The following COL19A1 variants were observed in gnomAD, a reference collection of about 807,000 sequenced individuals.
The protein encoded by COL19A1 is collagen alpha-1(XIX) chain.
COL19A1 carries 159 observed loss-of-function variants against 190.2 expected under a neutral mutation model. That is an observed-to-expected ratio of 0.84 (90% CI 0.73 to 0.95). The LOEUF (loss-of-function observed/expected upper bound fraction) is 0.95. COL19A1 is among the 40% of genes least tolerant of loss of function. The pLI is 0.00. For synonymous variants in COL19A1, 509 were observed against 458.9 expected, an observed-to-expected ratio of 1.11 and a Z score of -1.39; for missense variants, 1,418 against 1,431.9, an observed-to-expected ratio of 0.99 and a Z score of 0.16.
chr6:70,087,044 A>G (rs540763748), intron 15 of COL19A1, among the ~76,000 whole-genome samples: 1 of 152,284 alleles, frequency 6.6e-6, no homozygotes, highest in African/African-American at 2.4e-5. Context: ...CCATTTGCTT[A>G]CATATTGCCT....
chr6:70,134,035 C>T (rs1785679427), intron 18 of COL19A1, among the ~76,000 whole-genome samples: 1 of 152,158 alleles, frequency 6.6e-6, no homozygotes, highest in Non-Finnish European at 1.5e-5. Context: ...TTGATTTTTA[C>T]AAGCAATTGC....
At chr6:70,207,067 G>A (rs937326442) in intron 50 of COL19A1, 80 bp from the exon 51 acceptor site, 43 of 1,601,816 alleles carry the variant, frequency 2.7e-5, no homozygotes, top group Non-Finnish European at 8.5e-7. Context: ...GTCAAGTCGA[G>A]TGATCCATGT....
Position 70,019,183 on chromosome 6 carries a change from A to G in COL19A1, c.1027-4444A>G, listed in dbSNP as rs1411447617. On this transcript the variant is annotated intron_variant, in intron 11 of 50. Transcript: ENST00000620364. ...TTAGGATAATAGATGGAGTTCTTTG[A>G]TTGTATGGAAGTTATTGATATCCTC... Among the ~76,000 whole-genome samples the G allele has an allele frequency of 2.0e-5, 3 of 152,078 alleles. No homozygotes were observed. In the East Asian group the frequency reaches 5.8e-4, roughly 29 times the overall value.
At chr6:69,976,361 T>C (rs1775714106) in intron 11 of COL19A1, among the ~76,000 whole-genome samples, 1 of 152,208 alleles carries the variant, frequency 6.6e-6, no homozygotes, top group African/African-American at 2.4e-5. Context: ...TTGAAACATA[T>C]GCTGGGTTTT....
In COL19A1 at chr6:70,163,342, G is replaced by A; in HGVS notation, c.2347-1G>A. On this transcript the variant is annotated splice_acceptor_variant, in intron 35 of 50. Transcript: ENST00000620364. LOFTEE classifies it high-confidence loss of function. The stretch of plus-strand genomic sequence containing the variant: ...AACAAACTTAGTTTTGTGTTTTACA[G>A]GGCTTAATGGGAAGAACTGGACATC... The A allele has an allele frequency of 6.2e-7, 1 of 1,611,910 alleles. No homozygotes were observed. Among genetic ancestry groups the A allele is most frequent in the Admixed American group, 1.7e-5 (1 of 59,934 alleles).
intron 33 of COL19A1, 93 bp from the exon 34 acceptor site, chr6:70,156,577 A>T: frequency 7.3e-7 from 1 of 1,366,552 alleles, no homozygotes; most frequent in Non-Finnish European, 1.0e-6. Context: ...TGTCCAAATT[A>T]CATGCCCCAA....
At chr6:69,944,942 T>C (rs1773704011) in intron 9 of COL19A1, among the ~76,000 whole-genome samples, 1 of 151,976 alleles carries the variant, frequency 6.6e-6, no homozygotes, top group African/African-American at 2.4e-5. Context: ...ATTGTAATAA[T>C]TTTCTGAATT....
chr6:69,897,954 T>C (rs1469585435), intron 2 of COL19A1, among the ~76,000 whole-genome samples: 3 of 152,180 alleles, frequency 2.0e-5, no homozygotes, highest in Non-Finnish European at 2.9e-5. Flanking sequence ...GTTAAATATA[T>C]TAAGATGATA....
intron 15 of COL19A1, among the ~76,000 whole-genome samples, chr6:70,084,278 G>A (rs758628053): frequency 1.3e-5 from 2 of 152,088 alleles, no homozygotes; most frequent in Non-Finnish European, 2.9e-5. Flanking sequence ...TGACTGGCAC[G>A]AGGATGCTGA....
chr6:69,992,085 A>G (rs1234909022), intron 11 of COL19A1, among the ~76,000 whole-genome samples: 1 of 152,014 alleles, frequency 6.6e-6, no homozygotes, highest in Non-Finnish European at 1.5e-5. Context: ...ATATATGGTG[A>G]AAGGAAAGGG....
rs3793028 is a variant in COL19A1, at chr6:69,961,305, A to G, written c.981+1265A>G. On this transcript the variant is annotated intron_variant, in intron 10 of 50. Transcript: ENST00000620364. ...TTTACTTGGCCCAATAAAGATAATA[A>G]GATTGAACTGGCAGCAATGAAACGG... 5.5e-3 allele frequency among the ~76,000 whole-genome samples: 834 copies of G among 152,372 alleles called. 19 individuals carry two copies. In the East Asian group the frequency reaches 0.068, roughly 12 times the overall value.
intron 16 of COL19A1, among the ~76,000 whole-genome samples, chr6:70,114,048 A>G (rs1428702145): frequency 1.3e-5 from 2 of 151,668 alleles, no homozygotes; most frequent in Non-Finnish European, 2.9e-5. Context: ...ACAGAGTTTC[A>G]CCATGTTGCC....
chr6:70,160,056 A>G (rs1443194763), intron 34 of COL19A1, among the ~76,000 whole-genome samples: 1 of 152,166 alleles, frequency 6.6e-6, no homozygotes, highest in African/African-American at 2.4e-5. Flanking sequence ...ACTACCCAGG[A>G]GGGACTTCTG....
Position 70,146,077 on chromosome 6 carries a change from A to G in COL19A1, c.1771-582A>G, listed in dbSNP as rs1266400812. On this transcript the variant is annotated intron_variant, in intron 25 of 50. Coordinates refer to ENST00000620364, the MANE Select transcript of COL19A1 (RefSeq NM_001858.6). ...GGGCTTTCTTCTGAAGAAAATATAC[A>G]TGCATACAACATTTTGCATATGATT... 2.6e-5 allele frequency among the ~76,000 whole-genome samples: 4 copies of G among 152,134 alleles called. No homozygotes were observed. In the South Asian group the frequency reaches 8.3e-4, roughly 32 times the overall value.
intron 12 of COL19A1, among the ~76,000 whole-genome samples, chr6:70,024,380 C>T (rs748436584): frequency 4.7e-4 from 72 of 152,144 alleles, no homozygotes; most frequent in South Asian, 2.1e-4. Flanking sequence ...GTTTTTCCCT[C>T]GGCTTCCTTT....
intron 7 of COL19A1, among the ~76,000 whole-genome samples, chr6:69,933,950 AG>A (rs1029139377): frequency 2.6e-5 from 4 of 152,036 alleles, no homozygotes; most frequent in Non-Finnish European, 5.9e-5. Context: ...TGCAAGTAAA[AG>A]GTGAAAATGT....
At chr6:69,896,520 G>A (rs1399276844) in intron 2 of COL19A1, among the ~76,000 whole-genome samples, 1 of 136,446 alleles carries the variant, frequency 7.3e-6, no homozygotes, top group East Asian at 2.1e-4. Flanking sequence ...GTCCGGCCTG[G>A]GCGACAGAGC....
intron 25 of COL19A1, 77 bp downstream of exon 25, chr6:70,145,084 A>C: frequency 9.4e-7 from 1 of 1,063,126 alleles, no homozygotes; most frequent in Non-Finnish European, 1.4e-6. Flanking sequence ...GTTTCAGATC[A>C]CAAGTATGGG....
chr6:70,151,895 C>T (rs1206312643), intron 31 of COL19A1, among the ~76,000 whole-genome samples: 6 of 152,086 alleles, frequency 3.9e-5, no homozygotes, highest in African/African-American at 1.4e-4. Flanking sequence ...ACTTACAAGG[C>T]TGAATTTTGA....
Sources: allele counts gnomAD v4.1 joint callset (sites outside exome capture counted in the v4.1 genomes callset), GRCh38; gene constraint gnomAD v4.1.1; transcripts MANE v1.5; gene names NCBI Gene and HGNC (gene_info 2026-07-23, HGNC 2026-07-21).